Variants in NKTR observed in about 807,000 individuals in gnomAD.
The protein encoded by NKTR is natural killer cell triggering receptor.
A neutral mutation model predicts 156.3 loss-of-function variants in NKTR; 67 were observed. The observed-to-expected ratio is 0.43, with a 90% confidence interval of 0.35 to 0.53. The LOEUF is 0.53. Among genes scored for constraint, NKTR ranks in the 20% least tolerant of loss-of-function variants. The pLI, the probability that NKTR is intolerant of heterozygous loss-of-function variation, is 0.01. For synonymous variants in NKTR, 640 were observed against 596.6 expected, an observed-to-expected ratio of 1.07 and a Z score of -1.06; for missense variants, 1,604 against 1,730.9, an observed-to-expected ratio of 0.93 and a Z score of 1.30.
intron 2 of NKTR, among the ~76,000 whole-genome samples, chr3:42,613,975 C>A (rs1707100072): frequency 6.6e-6 from 1 of 152,120 alleles, no homozygotes; most frequent in Admixed American, 6.6e-5. Context: ...AACATTAATT[C>A]TGTGGACGAA....
chr3:42,648,183 C>T lies in NKTR; in HGVS notation c.*2208C>T, dbSNP rs967587781. 2.6e-5 allele frequency: 4 copies of T among 152,170 alleles called. No homozygotes were observed. Among genetic ancestry groups the T allele is most frequent in the African/African-American group, 9.7e-5 (4 of 41,430 alleles). 9.4% of individuals were successfully genotyped at this position (152,170 alleles called of 1,614,324 possible). A position where few individuals can be genotyped will look rare whatever the true frequency, so the allele number is the denominator to read the frequency against. On this transcript the variant is annotated 3_prime_UTR_variant, in exon 17 of 17. Transcript: ENST00000232978. The stretch of plus-strand genomic sequence containing the variant: ...TTAGGGGCATATGATTAGCTCAAGC[C>T]CACAGATATATTTTAAGGTTGATTG...
chr3:42,629,705 AATTTTTT>A (rs1350213598), intron 6 of NKTR: 1 of 983,216 alleles, frequency 1.0e-6, no homozygotes, highest in African/African-American at 1.7e-5. Flanking sequence ...TCTGCTTTTG[AATTTTTT>A]CCACTGCAAT....
At chr3:42,630,485 G>C in intron 6 of NKTR, 61 bp from the exon 7 acceptor site, 1 of 1,606,526 alleles carries the variant, frequency 6.2e-7, no homozygotes, top group East Asian at 2.3e-5. Flanking sequence ...AAACCTTTCT[G>C]CTCTCTTCAC....
intron 6 of NKTR, chr3:42,629,603 C>T (rs1003740967): frequency 6.1e-6 from 6 of 979,884 alleles, no homozygotes; most frequent in East Asian, 2.3e-4. Context: ...ATATTTTTCT[C>T]TCTTTCAAAT....
At chr3:42,630,339 T>C in intron 6 of NKTR, 1 of 1,391,402 alleles carries the variant, frequency 7.2e-7, no homozygotes, top group Non-Finnish European at 9.3e-7. Context: ...TGTAATTCAT[T>C]ATAATCTTGA....
intron 9 of NKTR, chr3:42,633,123 T>G: frequency 4.9e-6 from 3 of 613,340 alleles, no homozygotes; most frequent in Non-Finnish European, 6.5e-6. Flanking sequence ...CACTGCATCC[T>G]CCACCTCCTG....
intron 11 of NKTR, 170 bp downstream of exon 11, chr3:42,634,870 G>A: frequency 1.9e-6 from 1 of 527,884 alleles, no homozygotes; most frequent in Non-Finnish European, 3.4e-6. Flanking sequence ...ATACTGCTGT[G>A]TTTGAATGGG....
intron 12 of NKTR, 56 bp downstream of exon 12, chr3:42,635,422 G>T: frequency 7.3e-7 from 1 of 1,368,532 alleles, no homozygotes; most frequent in Non-Finnish European, 1.0e-6. Flanking sequence ...AAATGTTAAA[G>T]GGATTGGATA....
At chr3:42,606,684 T>C (rs1559549460) in intron 2 of NKTR, among the ~76,000 whole-genome samples, 1 of 152,218 alleles carries the variant, frequency 6.6e-6, no homozygotes, top group Non-Finnish European at 1.5e-5. Context: ...CATTTTTTAA[T>C]ATTTTGTCTT....
At chr3:42,627,721 G>T (rs1464864637) in intron 6 of NKTR, 1 of 983,378 alleles carries the variant, frequency 1.0e-6, no homozygotes, top group East Asian at 1.1e-4. Flanking sequence ...AATATTGAAA[G>T]GTTTTACAAT....
intron 13 of NKTR, among the ~76,000 whole-genome samples, chr3:42,641,602 G>A (rs937643586): frequency 2.6e-5 from 4 of 152,148 alleles, no homozygotes; most frequent in South Asian, 2.1e-4. Context: ...TCTTTGGGCC[G>A]GGTGTGGTGG....
chr3:42,635,094 C>A (rs2125813098), intron 11 of NKTR, 127 bp from the exon 12 acceptor site: 2 of 532,874 alleles, frequency 3.8e-6, no homozygotes, highest in Non-Finnish European at 6.2e-6. Context: ...TTAGACCATC[C>A]TTTTGGTAAC....
rs115715401 is a variant in NKTR at position 42,625,160 on chromosome 3, G to A, written c.374+3644G>A. On this transcript the variant is annotated intron_variant, in intron 6 of 16. Coordinates refer to ENST00000232978, the MANE Select transcript of NKTR (RefSeq NM_005385.4). ...AGTCATAATTGCCTAGTTTTCATTA[G>A]TCTGAAAAATGTCTTAAAGAAGTAT... is the stretch of plus-strand genomic sequence containing the variant. Among the ~76,000 whole-genome samples the A allele has an allele frequency of 3.0e-3, 461 of 152,234 alleles. 3 individuals carry two copies. The highest frequency in any genetic ancestry group is 0.011 in the African/African-American group (445 of 41,548).
At chr3:42,626,464 A>G (rs1001668285) in intron 6 of NKTR, among the ~76,000 whole-genome samples, 1 of 152,146 alleles carries the variant, frequency 6.6e-6, no homozygotes, top group Non-Finnish European at 1.5e-5. Flanking sequence ...AAAAGAAGAT[A>G]TTGTGGCTAA....
chr3:42,602,405 C>A (rs1314166482), intron 2 of NKTR: 1 of 152,110 alleles, frequency 6.6e-6, no homozygotes, highest in African/African-American at 2.4e-5. Context: ...TCTCAGAATC[C>A]GTCCTGGTTA....
Position 42,637,993 on chromosome 3 carries a change from GA to G in NKTR, c.2297del (p.Asn766IlefsTer30), listed in dbSNP as rs767007251. ...RAKRRLRSSG[K>X]KNSVSHKKHS... ...CTAAGAGGAGACTTAGATCCAGTGGGAAAAAAAATAGCGTTTCACATAAAAA... is the reference window on the plus strand; with the variant it reads ...CTAAGAGGAGACTTAGATCCAGTGGGAAAAAAATAGCGTTTCACATAAAAA... On this transcript the variant is annotated frameshift_variant, in exon 13 of 17. Coordinates refer to ENST00000232978, the MANE Select transcript of NKTR (RefSeq NM_005385.4). LOFTEE classifies it high-confidence loss of function. 2 of 1,612,464 alleles carry G rather than the reference GA, an allele frequency of 1.2e-6. No individual in the cohort carries two copies. The highest frequency in any genetic ancestry group is 1.7e-6 in the Non-Finnish European group (2 of 1,179,456).
chr3:42,647,267 A>ATGTGT lies in NKTR; in HGVS notation c.*1292_*1293insTGTGT, dbSNP rs376762349. On this transcript the variant is annotated 3_prime_UTR_variant, in exon 17 of 17. Transcript: ENST00000232978. ...AAAAATAATTGGACCTGTAAAAACT[A>ATGTGT]GTGTGTGTGTGTGTGTGTGTGTGTG... 3.9e-5 allele frequency: 4 copies of ATGTGT among 102,956 alleles called. No individual in the cohort carries two copies. Among genetic ancestry groups the ATGTGT allele is most frequent in the African/African-American group, 1.7e-4 (4 of 23,714 alleles). 6.4% of individuals were successfully genotyped at this position (102,956 alleles called of 1,614,324 possible).
intron 2 of NKTR, among the ~76,000 whole-genome samples, chr3:42,603,549 T>TTGTGATAGA (rs1304043710): frequency 1.3e-5 from 2 of 152,144 alleles, no homozygotes; most frequent in African/African-American, 4.8e-5. Context: ...AGGCAATTCA[T>TTGTGATAGA]TGTGATAGAT....
At chr3:42,604,799 G>A (rs555321979) in intron 2 of NKTR, among the ~76,000 whole-genome samples, 46 of 147,518 alleles carry the variant, frequency 3.1e-4, no homozygotes, top group Admixed American at 2.2e-3. Flanking sequence ...AGTGATTCTC[G>A]TGCCTCTGCC....
Sources: allele counts gnomAD v4.1 joint callset (sites outside exome capture counted in the v4.1 genomes callset), GRCh38; gene constraint gnomAD v4.1.1; transcripts MANE v1.5; gene names NCBI Gene and HGNC (gene_info 2026-07-23, HGNC 2026-07-21).